Variants in DRC9 observed in about 807,000 individuals in gnomAD.
The protein encoded by DRC9 is dynein regulatory complex protein 9.
At chr3:197,957,820 G>C in the DRC9 span, 1 of 152,170 alleles carries the variant, frequency 6.6e-6, no homozygotes, top group Non-Finnish European at 1.5e-5. Context: ...GTAGTACTCG[G>C]GGTATTCAGG....
At chr3:197,952,162 G>GTTTTTTTTTTT in the DRC9 span, among the ~76,000 whole-genome samples, 2 of 83,888 alleles carry the variant, frequency 2.4e-5, no homozygotes, top group African/African-American at 1.0e-4. Flanking sequence ...AAAATTATGG[G>GTTTTTTTTTTT]TTTTTTTTTT....
chr3:197,926,524 G>A, the DRC9 span, among the ~76,000 whole-genome samples: 3 of 152,124 alleles, frequency 2.0e-5, no homozygotes, highest in Non-Finnish European at 2.9e-5. Context: ...GAGAAAATGC[G>A]GTGTAGACAG....
the DRC9 span, chr3:197,955,608 G>C: frequency 2.6e-6 from 2 of 758,238 alleles, no homozygotes. Flanking sequence ...TGTTCACGTA[G>C]AGACTGAAGG....
the DRC9 span, among the ~76,000 whole-genome samples, chr3:197,893,112 C>T: frequency 6.6e-6 from 1 of 152,010 alleles, no homozygotes; most frequent in African/African-American, 2.4e-5. Flanking sequence ...AATCCCAGCA[C>T]TTTGGGAGGC....
At chr3:197,904,575 A>G in the DRC9 span, among the ~76,000 whole-genome samples, 2 of 152,164 alleles carry the variant, frequency 1.3e-5, no homozygotes, top group East Asian at 1.9e-4. Flanking sequence ...CGGATAAAGA[A>G]AAGGTGGGGC....
the DRC9 span, chr3:197,949,525 G>C: frequency 6.6e-6 from 1 of 152,062 alleles, no homozygotes; most frequent in Admixed American, 6.6e-5. Context: ...GTAGAGGTTG[G>C]GGGAGGTGGT....
the DRC9 span, among the ~76,000 whole-genome samples, chr3:197,905,009 T>A: frequency 6.6e-6 from 1 of 152,180 alleles, no homozygotes; most frequent in African/African-American, 2.4e-5. Context: ...CACATGTTCT[T>A]CTTTGTGAGA....
At chr3:197,913,801 C>G in the DRC9 span, 1 of 1,408,194 alleles carries the variant, frequency 7.1e-7, no homozygotes, top group African/African-American at 1.4e-5. Flanking sequence ...TTGTCTCCCT[C>G]CTTTGTTAGC....
At chr3:197,898,745 A>G in the DRC9 span, among the ~76,000 whole-genome samples, 1 of 152,210 alleles carries the variant, frequency 6.6e-6, no homozygotes, top group Admixed American at 6.5e-5. Context: ...CGAGAACAGC[A>G]TGAGGGAAAC....
the DRC9 span, chr3:197,945,486 TA>T: frequency 6.3e-6 from 4 of 636,456 alleles, no homozygotes; most frequent in Non-Finnish European, 1.1e-5. Context: ...TGGGAAAGAA[TA>T]AATGTTTATA....
the DRC9 span, among the ~76,000 whole-genome samples, chr3:197,912,015 A>G: frequency 1.3e-5 from 2 of 152,106 alleles, no homozygotes; most frequent in South Asian, 2.1e-4. Flanking sequence ...ATAATTTAAA[A>G]ATAATTAATT....
At chr3:197,926,116 TA>T in the DRC9 span, 1 of 1,430,436 alleles carries the variant, frequency 7.0e-7, no homozygotes, top group Non-Finnish European at 9.9e-7. Flanking sequence ...CTAGAAGATA[TA>T]AGAATGATTT....
At chr3:197,935,447 AAAAAAG>A in the DRC9 span, among the ~76,000 whole-genome samples, 1 of 88,224 alleles carries the variant, frequency 1.1e-5, no homozygotes, top group African/African-American at 8.0e-5. Context: ...TCCAAAAAAA[AAAAAAG>A]AAAAGAAAAG....
At chr3:197,918,980 G>A in the DRC9 span, among the ~76,000 whole-genome samples, 2 of 151,840 alleles carry the variant, frequency 1.3e-5, no homozygotes, top group Non-Finnish European at 2.9e-5. Context: ...GGCTAATTTT[G>A]TATTTTTAGT....
chr3:197,904,023 CATAT>C, the DRC9 span, among the ~76,000 whole-genome samples: 6 of 96,440 alleles, frequency 6.2e-5, no homozygotes, highest in Admixed American at 3.7e-4. Flanking sequence ...TATATACATA[CATAT>C]ATATATACAT....
the DRC9 span, chr3:197,913,956 G>T: frequency 6.2e-7 from 1 of 1,614,036 alleles, no homozygotes; most frequent in Non-Finnish European, 8.5e-7. Flanking sequence ...GCTCGGTATT[G>T]GTTTTCATGT....
At chr3:197,904,108 ATATTT>A in the DRC9 span, among the ~76,000 whole-genome samples, 1,859 of 38,670 alleles carry the variant, frequency 0.048, 53 homozygotes, top group African/African-American at 0.14. Context: ...ATATATATAT[ATATTT>A]TTTTTTTTAA....
At chr3:197,925,592 T>G in the DRC9 span, among the ~76,000 whole-genome samples, 3 of 150,614 alleles carry the variant, frequency 2.0e-5, no homozygotes, top group Admixed American at 1.3e-4. Context: ...CTTCTGTTTT[T>G]TTTTTTTTTT....
At chr3:197,901,701 T>C in the DRC9 span, among the ~76,000 whole-genome samples, 2 of 152,242 alleles carry the variant, frequency 1.3e-5, no homozygotes, top group Non-Finnish European at 2.9e-5. This position sits in a 1 kb window ranked among gnomAD's most constrained non-coding sequence, Gnocchi z 4.4. Context: ...AAGGCCAGCT[T>C]AGCTGCAGGA....
Sources: gnomAD v4.1 joint callset for allele counts (sites outside exome capture counted in the v4.1 genomes callset) on GRCh38, gnomAD v4.1.1 for gene constraint, Gnocchi (gnomAD v3.1) non-coding constraint, MANE v1.5 for transcripts, NCBI Gene and HGNC (gene_info 2026-07-23, HGNC 2026-07-21) for gene names.